EGFL7: variants seen among roughly 807,000 people sequenced by gnomAD.
The protein encoded by EGFL7 is EGF like domain multiple 7.
A neutral mutation model predicts 37.1 loss-of-function variants in EGFL7; 48 were observed. That is an observed-to-expected ratio of 1.29 (90% CI 1.03 to 1.65). The LOEUF is 1.65. Ranked by LOEUF, EGFL7 falls within the 40% of genes most tolerant of loss-of-function variation. EGFL7 has a pLI of 0.00. For missense variants in EGFL7, 384 were observed against 378.9 expected, an observed-to-expected ratio of 1.01 and a Z score of -0.11; for synonymous variants, 180 against 156.8, an observed-to-expected ratio of 1.15 and a Z score of -1.10.
chr9:136,671,771 C>T (rs566200035), intron 9 of EGFL7, among the ~76,000 whole-genome samples, 155 bp from the exon 10 acceptor site: 2 of 152,348 alleles, frequency 1.3e-5, no homozygotes, highest in South Asian at 4.1e-4. Context: ...GCAAGCTTTT[C>T]TGCCACGGCA....
At chr9:136,670,774 G>T in intron 8 of EGFL7, 176 bp from the exon 9 acceptor site, 1 of 736,182 alleles carries the variant, frequency 1.4e-6, no homozygotes, top group Non-Finnish European at 2.5e-6. Flanking sequence ...CACCCGCCCC[G>T]ACGTACTTAG....
At chr9:136,667,699 G>C (rs565736848) in intron 3 of EGFL7, among the ~76,000 whole-genome samples, 1 of 152,186 alleles carries the variant, frequency 6.6e-6, no homozygotes, top group Admixed American at 6.5e-5. Context: ...TGCACCCTCC[G>C]CACGGTTCCT....
chr9:136,669,597 AC>A lies in EGFL7; in HGVS notation c.198-5del, dbSNP rs749716647. The A allele has an allele frequency of 5.6e-6, 9 of 1,602,210 alleles. No homozygotes were observed. The highest frequency in any genetic ancestry group is 1.7e-4 in the Middle Eastern group (1 of 6,058). On this transcript the variant is annotated splice_region_variant and splice_polypyrimidine_tract_variant and intron_variant, in intron 5 of 10. Coordinates refer to ENST00000308874, the MANE Select transcript of EGFL7 (RefSeq NM_016215.5). Reference sequence around the variant, plus strand: ...GATGCCCCTCTGAGCTGTCCCACCCACCCCACAGAACCATCTATAGGACCGC... The same window carrying A: ...GATGCCCCTCTGAGCTGTCCCACCCACCCACAGAACCATCTATAGGACCGC...
In EGFL7 at chr9:136,672,098, C is replaced by T. The variant is rs1350171831; in HGVS notation, c.799+10C>T. On this transcript the variant is annotated intron_variant, in intron 10 of 10. Coordinates refer to ENST00000308874, the MANE Select transcript of EGFL7 (RefSeq NM_016215.5). ...GAGCAGCTGGGGTCCTGTGAGTGCC[C>T]CCACCCTCCAGAGCCCTCCTCCCGG... 2.6e-6 allele frequency: 4 copies of T among 1,547,596 alleles called. No homozygotes were observed. The highest frequency in any genetic ancestry group is 3.5e-6 in the Non-Finnish European group (4 of 1,146,596).
chr9:136,668,830 C>T (rs147233659), intron 5 of EGFL7, among the ~76,000 whole-genome samples, 157 bp downstream of exon 5: 78 of 152,246 alleles, frequency 5.1e-4, no homozygotes, highest in African/African-American at 1.8e-3. Flanking sequence ...CGACCCAGGG[C>T]GGCCGGAGCC....
rs543736971 is a variant in EGFL7, at chr9:136,668,834, C to T, written c.197+161C>T. 4.6e-5 allele frequency among the ~76,000 whole-genome samples: 7 copies of T among 152,248 alleles called. No individual in the cohort carries two copies. The East Asian group carries it at 1.2e-3, about 25-fold the overall frequency. ...CCTGAGATGGGCGACCCAGGGCGGC[C>T]GGAGCCAAGGGGTTCCACGATCACC... is the stretch of plus-strand genomic sequence containing the variant. On this transcript the variant is annotated intron_variant, in intron 5 of 10. Coordinates refer to ENST00000308874, the MANE Select transcript of EGFL7 (RefSeq NM_016215.5).
chr9:136,671,800 T>C (rs1313772024), intron 9 of EGFL7, 126 bp from the exon 10 acceptor site: 7 of 1,289,574 alleles, frequency 5.4e-6, no homozygotes, highest in Non-Finnish European at 7.2e-6. Flanking sequence ...TAGTGGACAC[T>C]TGGAGCCCTG....
In EGFL7 at chr9:136,672,035, G is replaced by C. The variant is rs1050441878; in HGVS notation, c.746G>C (p.Arg249Pro). The change falls in exon 10 of 11, where the codon CGC becomes CCC. Residue 249 changes from arginine (R) to proline (P), a missense_variant. Physicochemically the swap from Arg to Pro is moderately radical, Grantham distance 103. Transcript: ENST00000308874. ...LLVHSFQQLGRIDSLSEQISF... is the reference protein window; with the variant it reads ...LLVHSFQQLGPIDSLSEQISF... ...GTGCACTCCTTCCAGCAGCTCGGCCGCATCGACTCCCTGAGCGAGCAGATT... is the reference window on the plus strand; with the variant it reads ...GTGCACTCCTTCCAGCAGCTCGGCCCCATCGACTCCCTGAGCGAGCAGATT... The C allele has an allele frequency of 1.3e-6, 2 of 1,545,014 alleles. No individual in the cohort carries two copies. Among genetic ancestry groups the C allele is most frequent in the African/African-American group, 2.7e-5 (2 of 73,066 alleles).
chr9:136,669,062 G>T (rs911177069), intron 5 of EGFL7, among the ~76,000 whole-genome samples: 2 of 152,088 alleles, frequency 1.3e-5, no homozygotes, highest in African/African-American at 2.4e-5. Flanking sequence ...CACTCCACTG[G>T]GCACCCCCCT....
rs1300838926 is a variant in EGFL7, at chr9:136,666,383, G to T, written c.-43+1598G>T. Among the ~76,000 whole-genome samples the T allele has an allele frequency of 6.6e-6, 1 of 151,902 alleles. No homozygotes were observed. The highest frequency in any genetic ancestry group is 1.5e-5 in the Non-Finnish European group (1 of 67,924). On this transcript the variant is annotated intron_variant, in intron 3 of 10. Coordinates refer to ENST00000308874, the MANE Select transcript of EGFL7 (RefSeq NM_016215.5). The surrounding 1 kb of genome is among the most constrained non-coding windows in gnomAD (Gnocchi z 6.8). The stretch of plus-strand genomic sequence containing the variant: ...GGGGCTGCGGGGCTGCTGCCGGGCA[G>T]GTGGGGAGGGAGCCCGTGGGCGCTG...
chr9:136,661,323 G>A (rs1845132791), upstream of EGFL7, among the ~76,000 whole-genome samples: 1 of 152,174 alleles, frequency 6.6e-6, no homozygotes, highest in Non-Finnish European at 1.5e-5. Flanking sequence ...AGGCTGGCCA[G>A]GGCAGGATGA....
chr9:136,660,405 C>T (rs1357708096), upstream of EGFL7: 1 of 152,416 alleles, frequency 6.6e-6, no homozygotes, highest in Non-Finnish European at 1.5e-5. Flanking sequence ...AAAGCTGGCA[C>T]TCTGGGCCTG....
chr9:136,662,667 G>A (rs968918024), upstream of EGFL7, among the ~76,000 whole-genome samples: 14 of 152,162 alleles, frequency 9.2e-5, no homozygotes, highest in African/African-American at 3.4e-4. Flanking sequence ...TCTCCAGCAG[G>A]GTCCAGCCCT....
At chr9:136,662,136 C>T (rs1031231433), upstream of EGFL7, among the ~76,000 whole-genome samples, 1 of 152,190 alleles carries the variant, frequency 6.6e-6, no homozygotes, top group East Asian at 1.9e-4. Context: ...CCTGTGATCA[C>T]CCACAGTGTC....
chr9:136,670,506 G>GT, intron 8 of EGFL7, 176 bp downstream of exon 8: 2 of 884,154 alleles, frequency 2.3e-6, no homozygotes, highest in Non-Finnish European at 3.7e-6. Flanking sequence ...CTGGGGGCAG[G>GT]TTGCCCGGAG....
rs776717386 is a variant in EGFL7, at chr9:136,672,263, G to C, written c.800-1G>C. 1.3e-5 allele frequency: 21 copies of C among 1,613,306 alleles called. No homozygotes were observed. The highest frequency in any genetic ancestry group is 1.7e-5 in the Non-Finnish European group (20 of 1,179,948). ...CTGACCTTCGCCTCATCCAACCCTA[G>C]GCTCCTGCAAGAAAGACTCGTGACT... On this transcript the variant is annotated splice_acceptor_variant, in intron 10 of 10. Coordinates refer to ENST00000308874, the MANE Select transcript of EGFL7 (RefSeq NM_016215.5). LOFTEE classifies it high-confidence loss of function.
chr9:136,660,100 G>A (rs959232197), upstream of EGFL7, among the ~76,000 whole-genome samples: 8 of 152,164 alleles, frequency 5.3e-5, no homozygotes, highest in East Asian at 3.9e-4. Context: ...TCCAAGGACC[G>A]GAGGGTGAGG....
Position 136,670,282 on chromosome 9 carries a change from C to T in EGFL7, c.523C>T (p.Leu175Phe), listed in dbSNP as rs1845761514. The T allele has an allele frequency of 1.2e-6, 2 of 1,608,678 alleles. No homozygotes were observed. Among genetic ancestry groups the T allele is most frequent in the Non-Finnish European group, 1.7e-6 (2 of 1,177,082 alleles). The change falls in exon 8 of 11, where the codon CTC becomes TTC. Residue 175 changes from leucine to phenylalanine, a missense_variant. Transcript: ENST00000308874. ...GCACAGCCTGTCTGCAGACGGTACA[C>T]TCTGTGTGCCCAAGGGAGGGCCCCC... is the stretch of plus-strand genomic sequence containing the variant. Reference protein sequence around the residue: ...EGHSLSADGTLCVPKGGPPRV... With the variant: ...EGHSLSADGTFCVPKGGPPRV...
upstream of EGFL7, among the ~76,000 whole-genome samples, chr9:136,660,835 G>C (rs539406339): frequency 6.6e-6 from 1 of 152,190 alleles, no homozygotes; most frequent in East Asian, 1.9e-4. Context: ...CCTGTGCCGA[G>C]CATCCCAGCC....
Sources: allele counts gnomAD v4.1 joint callset (sites outside exome capture counted in the v4.1 genomes callset), GRCh38; gene constraint gnomAD v4.1.1; non-coding constraint Gnocchi (gnomAD v3.1); transcripts MANE v1.5; gene names NCBI Gene and HGNC (gene_info 2026-07-23, HGNC 2026-07-21).